Variants in TMEM50B observed in about 807,000 individuals in gnomAD.
TMEM50B encodes transmembrane protein 50B, also known as HCV p7-trans-regulated protein 3.
TMEM50B carries 14 observed loss-of-function variants against 23.4 expected under a neutral mutation model. That is an observed-to-expected ratio of 0.60 (90% confidence interval 0.39 to 0.93). The LOEUF (loss-of-function observed/expected upper bound fraction) is 0.93, where lower values mean the gene tolerates loss of function less well. Ranked by LOEUF, TMEM50B falls within the 40% of genes least tolerant of loss-of-function variation. The pLI, the probability that TMEM50B is intolerant of heterozygous loss-of-function variation, is 0.00. For missense variants in TMEM50B, 159 were observed against 193.0 expected (o/e 0.82, Z 1.04); for synonymous variants, 64 against 62.3 (o/e 1.03, Z -0.13).
chr21:33,464,026 A>G (rs934168959), intron 4 of TMEM50B, among the ~76,000 whole-genome samples: 10 of 152,306 alleles, frequency 6.6e-5, no homozygotes, highest in Non-Finnish European at 1.3e-4. Flanking sequence ...CAAACCAGAC[A>G]AAGTGACCAA....
chr21:33,443,891 G>GTT (rs1266228991), intron 7 of TMEM50B, among the ~76,000 whole-genome samples: 46 of 94,320 alleles, frequency 4.9e-4, no homozygotes, highest in African/African-American at 3.3e-3. Context: ...AATTCTTTGT[G>GTT]GTTTTTTTTT....
chr21:33,461,952 GAAA>G (rs772900979), intron 4 of TMEM50B, among the ~76,000 whole-genome samples: 1 of 151,882 alleles, frequency 6.6e-6, no homozygotes, highest in African/African-American at 2.4e-5. Context: ...AGAAAAAAAA[GAAA>G]AAGAAGTATG....
chr21:33,432,765 T>G, exon 9 of TMEM50B: 1 of 1,614,154 alleles, frequency 6.2e-7, no homozygotes, highest in Non-Finnish European at 8.5e-7. Context: ...ACATTTTCGT[T>G]GCTGTCGGTG....
In TMEM50B at chr21:33,455,735, T is replaced by C. The variant is rs753424824; in HGVS notation, c.423A>G (p.Ile141Met). The C allele has an allele frequency of 4.3e-5, 69 of 1,613,440 alleles. No homozygotes were observed. Among genetic ancestry groups the C allele is most frequent in the African/African-American group, 5.3e-5 (4 of 74,896 alleles). ...AAAATAAGGCAACTTACCTAAAAAA[T>C]ATAAGTGCATTTTGAAAAAACACAG... ...GLAVFFQNAL[I>M]FFSTLIYKFG... Residue 141 changes from isoleucine to methionine, a missense_variant, in exon 6 of 7, where the codon ATA becomes ATG. By Grantham distance (10) the Ile-to-Met change is conservative (BLOSUM62 1). Transcript: ENST00000542230.
chr21:33,443,969 T>C (rs1236995334), intron 7 of TMEM50B, among the ~76,000 whole-genome samples: 1 of 152,130 alleles, frequency 6.6e-6, no homozygotes, highest in Non-Finnish European at 1.5e-5. Context: ...GGCGGGGTCT[T>C]GGCTCACTGC....
rs560418562 is a variant in TMEM50B, at chr21:33,471,691, T to C, written c.-41-2765A>G. Among the ~76,000 whole-genome samples, 23 of 152,092 alleles carry C rather than the reference T, an allele frequency of 1.5e-4. No homozygotes were observed. The East Asian group carries it at 2.5e-3, about 17-fold the overall frequency. ...GACTTCAAGCCCAGCCCAGGCAACA[T>C]AGCAAGACCCTGTCTCTAAAAAATA... On this transcript the variant is annotated intron_variant, in intron 1 of 6. Coordinates refer to ENST00000542230, the MANE Select transcript of TMEM50B (RefSeq NM_006134.7).
downstream of TMEM50B, among the ~76,000 whole-genome samples, chr21:33,444,825 G>C (rs1032737454): frequency 2.8e-5 from 3 of 106,450 alleles, no homozygotes; most frequent in South Asian, 3.1e-4. Flanking sequence ...AAAAAAGAAA[G>C]AAAAAGAAAC....
At chr21:33,456,394 G>A (rs3787706) in intron 5 of TMEM50B, among the ~76,000 whole-genome samples, 15,794 of 152,130 alleles carry the variant, frequency 0.1, 1,349 homozygotes, top group East Asian at 0.42. Flanking sequence ...ATGCAAATAT[G>A]TCAGATATAA....
At chr21:33,455,533 C>A (rs2834226) in intron 6 of TMEM50B, among the ~76,000 whole-genome samples, 194 bp downstream of exon 6, 13,758 of 152,176 alleles carry the variant, frequency 0.09, 854 homozygotes, top group East Asian at 0.25. Flanking sequence ...CAGCTAAAGT[C>A]TTGATACACA....
chr21:33,445,279 T>C (rs1421257995), downstream of TMEM50B, among the ~76,000 whole-genome samples: 4 of 152,110 alleles, frequency 2.6e-5, no homozygotes, highest in Admixed American at 2.6e-4. Context: ...CCATACTTAC[T>C]CAAAGAAATT....
At chr21:33,444,526 C>T (rs2084035284), downstream of TMEM50B, among the ~76,000 whole-genome samples, 1 of 150,894 alleles carries the variant, frequency 6.6e-6, no homozygotes. Flanking sequence ...GCCTGGGTGA[C>T]AGAGCCAGAC....
At chr21:33,446,237 T>A (rs2084052336), downstream of TMEM50B, among the ~76,000 whole-genome samples, 2 of 112,482 alleles carry the variant, frequency 1.8e-5, no homozygotes, top group Admixed American at 1.1e-4. Context: ...TTTTTTATTT[T>A]TTATTTTTTA....
At chr21:33,469,310 G>T (rs1198945659) in intron 1 of TMEM50B, among the ~76,000 whole-genome samples, 1 of 152,124 alleles carries the variant, frequency 6.6e-6, no homozygotes, top group Non-Finnish European at 1.5e-5. Flanking sequence ...AATTAACTGG[G>T]CGTGGTGGCA....
chr21:33,433,078 GT>G (rs1369048144), intron 8 of TMEM50B, among the ~76,000 whole-genome samples: 4 of 152,070 alleles, frequency 2.6e-5, no homozygotes, highest in Non-Finnish European at 5.9e-5. Context: ...TAGAAACAGG[GT>G]TTTGCTATGT....
chr21:33,460,682 A>G (rs1490672399), intron 4 of TMEM50B, among the ~76,000 whole-genome samples, 177 bp from the exon 5 acceptor site: 1 of 145,200 alleles, frequency 6.9e-6, no homozygotes, highest in Non-Finnish European at 1.5e-5. Context: ...AAAAAACACT[A>G]AAAGAAGTTA....
rs760049575 is a variant in TMEM50B, at chr21:33,465,428, A to G, written c.213-19T>C. On this transcript the variant is annotated intron_variant, in intron 3 of 6. Coordinates refer to ENST00000542230, the MANE Select transcript of TMEM50B (RefSeq NM_006134.7). ...ATTTATCCTAGAACGGCACAAAATCATCAAATGAATTTCAGTATTCGCTGT... is the reference window on the plus strand; with the variant it reads ...ATTTATCCTAGAACGGCACAAAATCGTCAAATGAATTTCAGTATTCGCTGT... 4.4e-6 allele frequency: 7 copies of G among 1,595,724 alleles called. No individual in the cohort carries two copies. Among genetic ancestry groups the G allele is most frequent in the East Asian group, 4.5e-5 (2 of 44,576 alleles).
At chr21:33,449,007 G>A (rs1172612181), downstream of TMEM50B, 2 of 151,624 alleles carry the variant, frequency 1.3e-5, no homozygotes, top group African/African-American at 4.8e-5. Flanking sequence ...CCTCACATAA[G>A]CATTTTACAA....
At chr21:33,432,549 A>T in exon 9 of TMEM50B, 1 of 887,886 alleles carries the variant, frequency 1.1e-6, no homozygotes, top group African/African-American at 1.6e-5. Flanking sequence ...TACAGGATTG[A>T]CTTTAGCTAT....
At position 33,432,546 on chromosome 21, in the gene TMEM50B, T is replaced by C. The variant is rs2083899181; in HGVS notation, c.*2377A>G. The stretch of plus-strand genomic sequence containing the variant: ...CCACTTGCTTTATTTCATTACAGGA[T>C]TGACTTTAGCTATTAATGTAAGCAT... On this transcript the variant is annotated 3_prime_UTR_variant and NMD_transcript_variant, in exon 9 of 9. Transcript: ENST00000420455. The C allele has an allele frequency of 5.7e-6, 5 of 880,090 alleles. No homozygotes were observed. The Admixed American group carries it at 5.8e-5, about 10-fold the overall frequency. 54.5% of individuals were successfully genotyped at this position (880,090 alleles called of 1,614,324 possible).
Sources: gnomAD v4.1 joint callset for allele counts (sites outside exome capture counted in the v4.1 genomes callset) on GRCh38, gnomAD v4.1.1 for gene constraint, MANE v1.5 for transcripts, NCBI Gene and HGNC (gene_info 2026-07-23, HGNC 2026-07-21) for gene names.